The following CFAP47 variants were observed in gnomAD, a reference collection of about 807,000 sequenced individuals.
CFAP47 encodes the protein cilia- and flagella-associated protein 47.
Under a neutral mutation model 148.1 loss-of-function variants are expected in CFAP47, and 29 were observed. The ratio of observed to expected loss-of-function variants is 0.20; its 90% confidence interval spans 0.15 to 0.27. CFAP47 has a LOEUF of 0.27. Ranked by LOEUF, CFAP47 falls within the 10% of genes least tolerant of loss-of-function variation. CFAP47 has a pLI of 1.00. For missense variants in CFAP47, 1,872 were observed against 1,697.5 expected (o/e 1.10, Z -1.81); for synonymous variants, 664 against 577.3 (o/e 1.15, Z -2.15).
intron 8 of CFAP47, among the ~76,000 whole-genome samples, chrX:35,962,768 G>A (rs1286697216): frequency 9.0e-6 from 1 of 110,678 alleles, no homozygotes; most frequent in Non-Finnish European, 1.9e-5. Context: ...TCTGCTTTTT[G>A]ACTGCACAAT....
At chrX:36,355,887 T>C (rs1941781744) in intron 60 of CFAP47, among the ~76,000 whole-genome samples, 2 of 112,180 alleles carry the variant, frequency 1.8e-5, no homozygotes, top group Admixed American at 1.9e-4. Flanking sequence ...TAAAGGAAGG[T>C]AAATAAATGC....
chrX:36,377,428 A>C (rs1942034534), intron 62 of CFAP47, among the ~76,000 whole-genome samples: 1 of 112,307 alleles, frequency 8.9e-6, no homozygotes, highest in African/African-American at 3.2e-5. Context: ...TCTTCTTTTG[A>C]GAAGTGTCTG....
chrX:35,946,365 A>C (rs758722651), intron 3 of CFAP47, among the ~76,000 whole-genome samples: 2 of 112,170 alleles, frequency 1.8e-5, no homozygotes, highest in South Asian at 7.4e-4. Flanking sequence ...CTTCTGAATA[A>C]GTTTTTGAAA....
intron 30 of CFAP47, among the ~76,000 whole-genome samples, chrX:36,086,228 C>T (rs1018086895): frequency 8.9e-6 from 1 of 112,198 alleles, no homozygotes; most frequent in Admixed American, 9.5e-5. Flanking sequence ...TGTACATTTA[C>T]ATTCTGAGAA....
At chrX:36,054,574 TTAAATC>T (rs1246964774) in intron 26 of CFAP47, among the ~76,000 whole-genome samples, 1 of 111,580 alleles carries the variant, frequency 9.0e-6, no homozygotes, top group African/African-American at 3.3e-5. Flanking sequence ...ATTTAATTAT[TTAAATC>T]TATTTAACAT....
At chrX:36,000,252 T>A in intron 19 of CFAP47, 31 bp from the exon 20 acceptor site, 1 of 286,020 alleles carries the variant, frequency 3.5e-6, no homozygotes, top group Non-Finnish European at 6.1e-6. Context: ...ACTATTCTAT[T>A]TTCTAATTAT....
chrX:36,129,175 T>G (rs777171468), intron 33 of CFAP47, among the ~76,000 whole-genome samples: 7 of 111,050 alleles, frequency 6.3e-5, no homozygotes, highest in Non-Finnish European at 5.7e-5. Context: ...GAATGAGATT[T>G]TGTAACATAT....
At chrX:36,211,611 A>C in intron 45 of CFAP47, 1 of 232,843 alleles carries the variant, frequency 4.3e-6, no homozygotes. Flanking sequence ...AGCTAAAGGA[A>C]AGCCTGATGC....
intron 2 of CFAP47, among the ~76,000 whole-genome samples, chrX:35,928,119 A>T (rs1227116738): frequency 9.1e-6 from 1 of 109,522 alleles, no homozygotes; most frequent in Non-Finnish European, 1.9e-5. Context: ...ATATTCCTGT[A>T]CAAGTATTGT....
chrX:36,346,324 A>T (rs782645883), intron 57 of CFAP47, among the ~76,000 whole-genome samples: 1 of 110,839 alleles, frequency 9.0e-6, no homozygotes, highest in Admixed American at 9.7e-5. Context: ...AGCCTAAATA[A>T]ATCAGAATCT....
At chrX:36,328,073 C>G (rs1941532565) in intron 57 of CFAP47, among the ~76,000 whole-genome samples, 1 of 111,995 alleles carries the variant, frequency 8.9e-6, no homozygotes, top group Non-Finnish European at 1.9e-5. Context: ...AACAAACCCA[C>G]ACATGTTCCC....
intron 22 of CFAP47, among the ~76,000 whole-genome samples, chrX:36,025,622 T>C (rs1160089282): frequency 9.0e-6 from 1 of 111,619 alleles, no homozygotes; most frequent in African/African-American, 3.3e-5. Flanking sequence ...AGTAAGATGG[T>C]GTCTATAAAA....
intron 46 of CFAP47, among the ~76,000 whole-genome samples, chrX:36,234,698 T>C (rs1214616982): frequency 4.5e-5 from 5 of 111,984 alleles, no homozygotes; most frequent in African/African-American, 1.6e-4. Context: ...GCTCTGCTTT[T>C]TAGAGTTTCC....
At chrX:36,256,251 T>A in intron 49 of CFAP47, among the ~76,000 whole-genome samples, 1 of 112,075 alleles carries the variant, frequency 8.9e-6, no homozygotes, top group East Asian at 2.8e-4. Context: ...AAGACTAGTA[T>A]ATAGGTGAAG....
chrX:36,116,792 A>C (rs1463998397), intron 33 of CFAP47, among the ~76,000 whole-genome samples: 1 of 111,812 alleles, frequency 8.9e-6, no homozygotes, highest in Non-Finnish European at 1.9e-5. Context: ...ATGTACAACT[A>C]AATTATTTTT....
At chrX:36,336,297 A>ACACT (rs1174425988) in intron 57 of CFAP47, among the ~76,000 whole-genome samples, 1 of 95,169 alleles carries the variant, frequency 1.1e-5, no homozygotes, top group Non-Finnish European at 2.1e-5. Context: ...ACACACACAC[A>ACACT]CACTCACATT....
At position 36,023,385 on chromosome X, in the gene CFAP47, A is replaced by G. The variant is rs778020182; in HGVS notation, c.3557-7868A>G. ...TACAAGTACTTCTGTGGCCACCACC[A>G]CTAGGACTATGCTGTGTCAGACCTG... On this transcript the variant is annotated intron_variant, in intron 22 of 63. Transcript: ENST00000378653. 7.2e-5 allele frequency among the ~76,000 whole-genome samples: 8 copies of G among 111,776 alleles called. No homozygotes were observed. In the East Asian group the frequency reaches 2.3e-3, roughly 32 times the overall value.
chrX:35,955,147 G>C (rs1181888975), intron 7 of CFAP47, among the ~76,000 whole-genome samples: 2 of 111,899 alleles, frequency 1.8e-5, no homozygotes, highest in Non-Finnish European at 3.8e-5. Flanking sequence ...GAGTGGTCTA[G>C]TAGACATTTC....
intron 33 of CFAP47, among the ~76,000 whole-genome samples, chrX:36,134,196 T>G (rs1938999821): frequency 9.0e-6 from 1 of 111,265 alleles, no homozygotes; most frequent in Non-Finnish European, 1.9e-5. Flanking sequence ...AAATATAGCA[T>G]GCACATGACG....
Sources: allele counts gnomAD v4.1 joint callset (sites outside exome capture counted in the v4.1 genomes callset), GRCh38; gene constraint gnomAD v4.1.1; transcripts MANE v1.5; gene names NCBI Gene and HGNC (gene_info 2026-07-23, HGNC 2026-07-21).